Variants in PRKG1 observed in about 807,000 individuals in gnomAD.
The protein encoded by PRKG1 is protein kinase cGMP-dependent 1.
PRKG1 carries 35 observed loss-of-function variants against 88.1 expected under a neutral mutation model. That is an observed-to-expected ratio of 0.40 (90% CI 0.30 to 0.53). The LOEUF (loss-of-function observed/expected upper bound fraction) is 0.53. Among genes scored for constraint, PRKG1 ranks in the 20% least tolerant of loss-of-function variants. The probability of loss-of-function intolerance (pLI) is 0.59; values close to 1 mark genes in which losing one functional copy is unlikely to be tolerated. For synonymous variants in PRKG1, 303 were observed against 292.5 expected (o/e 1.04, Z -0.37); for missense variants, 540 against 839.8 (o/e 0.64, Z 4.41).
At chr10:52,093,677 AT>A (rs1847107923) in intron 7 of PRKG1, among the ~76,000 whole-genome samples, 1 of 152,162 alleles carries the variant, frequency 6.6e-6, no homozygotes, top group South Asian at 2.1e-4. Context: ...TTTGTTTTGA[AT>A]TATGCAAATA....
At chr10:51,586,294 A>G (rs927317860) in intron 3 of PRKG1, among the ~76,000 whole-genome samples, 1 of 152,158 alleles carries the variant, frequency 6.6e-6, no homozygotes, top group Non-Finnish European at 1.5e-5. Flanking sequence ...ATAGTTTTGA[A>G]CAATTAGACT....
intron 3 of PRKG1, among the ~76,000 whole-genome samples, chr10:51,672,267 C>T (rs532649508): frequency 1.3e-4 from 20 of 152,146 alleles, no homozygotes; most frequent in Non-Finnish European, 2.6e-4. Context: ...TCTTCCATGT[C>T]TCCTAAGTTC....
At chr10:51,217,668 T>C (rs772661242) in intron 2 of PRKG1, among the ~76,000 whole-genome samples, 10 of 152,272 alleles carry the variant, frequency 6.6e-5, no homozygotes, top group Admixed American at 2.6e-4. Flanking sequence ...GGTACTTCTG[T>C]TTCTGGCCTT....
intron 5 of PRKG1, among the ~76,000 whole-genome samples, chr10:51,923,398 A>T (rs898238953): frequency 1.3e-5 from 2 of 151,496 alleles, no homozygotes; most frequent in African/African-American, 4.8e-5. Context: ...GTAGTTATAG[A>T]TAATTTGAAA....
chr10:51,177,938 T>G (rs527447350), intron 2 of PRKG1, among the ~76,000 whole-genome samples: 1 of 152,096 alleles, frequency 6.6e-6, no homozygotes, highest in African/African-American at 2.4e-5. Flanking sequence ...AAAAATTTAC[T>G]GTGTAAGAAA....
chr10:52,282,624 C>T (rs754911675), intron 14 of PRKG1, among the ~76,000 whole-genome samples: 25 of 152,000 alleles, frequency 1.6e-4, no homozygotes, highest in African/African-American at 4.3e-4. Context: ...AGCAATGAAA[C>T]AGGGGAGATG....
chr10:51,962,157 G>T (rs1256986429), intron 5 of PRKG1, among the ~76,000 whole-genome samples: 1 of 152,178 alleles, frequency 6.6e-6, no homozygotes, highest in African/African-American at 2.4e-5. Flanking sequence ...TCAGGAAGGA[G>T]CTCGGGAAGA....
At chr10:51,394,838 T>C (rs1837533877) in intron 2 of PRKG1, among the ~76,000 whole-genome samples, 2 of 152,194 alleles carry the variant, frequency 1.3e-5, no homozygotes, top group African/African-American at 2.4e-5. Context: ...GAAGGTCTTC[T>C]TCCAGGACCC....
chr10:51,130,677 T>G (rs887563677), intron 1 of PRKG1, among the ~76,000 whole-genome samples: 2 of 151,996 alleles, frequency 1.3e-5, no homozygotes, highest in Non-Finnish European at 2.9e-5. Flanking sequence ...CAAAGGCAGG[T>G]GGATCACGAG....
chr10:51,857,650 T>C (rs1006179940), intron 4 of PRKG1, among the ~76,000 whole-genome samples: 4 of 152,200 alleles, frequency 2.6e-5, no homozygotes, highest in Admixed American at 6.5e-5. Context: ...ATTTTATTTT[T>C]TTCCAGGGCA....
At chr10:51,497,363 T>C (rs757177468) in intron 3 of PRKG1, among the ~76,000 whole-genome samples, 1 of 152,124 alleles carries the variant, frequency 6.6e-6, no homozygotes, top group African/African-American at 2.4e-5. Flanking sequence ...GCACCTATTA[T>C]GTTTCAAGCA....
At chr10:51,350,618 G>A (rs1206413533) in intron 2 of PRKG1, among the ~76,000 whole-genome samples, 1 of 152,142 alleles carries the variant, frequency 6.6e-6, no homozygotes, top group Non-Finnish European at 1.5e-5. Context: ...ATCTAAATCG[G>A]AAAGGAAGAA....
intron 5 of PRKG1, among the ~76,000 whole-genome samples, chr10:51,931,208 A>T (rs923688749): frequency 6.6e-6 from 1 of 152,134 alleles, no homozygotes; most frequent in Admixed American, 6.6e-5. Flanking sequence ...CCTGGATTGA[A>T]CCTATTATTA....
chr10:51,548,530 G>T (rs1264990780), intron 3 of PRKG1, among the ~76,000 whole-genome samples: 4 of 152,046 alleles, frequency 2.6e-5, no homozygotes, highest in South Asian at 2.1e-4. Context: ...TGTCTAATAA[G>T]AAATCATTAA....
intron 9 of PRKG1, among the ~76,000 whole-genome samples, chr10:52,251,064 G>A (rs947945392): frequency 3.9e-5 from 6 of 152,010 alleles, no homozygotes; most frequent in African/African-American, 1.5e-4. Flanking sequence ...CATAAAACCT[G>A]GCTGTGATTT....
At chr10:51,945,600 T>C (rs1843011752) in intron 5 of PRKG1, among the ~76,000 whole-genome samples, 1 of 151,894 alleles carries the variant, frequency 6.6e-6, no homozygotes, top group African/African-American at 2.4e-5. Context: ...GTATGGGTTG[T>C]TCCTTTCCAT....
chr10:51,681,544 A>G (rs1472137515), intron 3 of PRKG1, among the ~76,000 whole-genome samples: 2 of 152,278 alleles, frequency 1.3e-5, no homozygotes, highest in African/African-American at 4.8e-5. Context: ...AAAACCCCTC[A>G]GATTTCTCTC....
chr10:52,112,142 C>T (rs1847579685), intron 7 of PRKG1, among the ~76,000 whole-genome samples: 2 of 152,292 alleles, frequency 1.3e-5, no homozygotes, highest in African/African-American at 4.8e-5. Flanking sequence ...TCACTACAAA[C>T]AGATTCTATC....
At chr10:51,842,091 AGTTGGAT>A (rs1210042098) in intron 4 of PRKG1, among the ~76,000 whole-genome samples, 1 of 152,204 alleles carries the variant, frequency 6.6e-6, no homozygotes, top group African/African-American at 2.4e-5. Flanking sequence ...GATGTTGGTC[AGTTGGAT>A]TCCCTCGCTG....
Sources: gnomAD v4.1 joint callset for allele counts (sites outside exome capture counted in the v4.1 genomes callset) on GRCh38, gnomAD v4.1.1 for gene constraint, MANE v1.5 for transcripts, NCBI Gene and HGNC (gene_info 2026-07-23, HGNC 2026-07-21) for gene names.